Variants in RNF121 observed in about 807,000 individuals in gnomAD.
The protein encoded by RNF121 is ring finger protein 121.
In RNF121, 21 loss-of-function variants were observed where a neutral mutation model predicts 46.5. The ratio of observed to expected loss-of-function variants is 0.45; its 90% CI spans 0.32 to 0.65. The LOEUF is 0.65. Ranked by LOEUF, RNF121 falls within the 30% of genes least tolerant of loss-of-function variation. RNF121 has a pLI of 0.04. For missense variants in RNF121, 346 were observed against 416.0 expected (o/e 0.83, Z 1.46); for synonymous variants, 139 against 144.7 (o/e 0.96, Z 0.28).
chr11:71,960,743 CT>C lies in RNF121; in HGVS notation c.102-4del. 6.2e-7 allele frequency: 1 copy of C among 1,611,398 alleles called. No homozygotes were observed. The highest frequency in any genetic ancestry group is 8.5e-7 in the Non-Finnish European group (1 of 1,178,278). ...GACTTGATTCACCCCATGTGTTTGG[CT>C]TTCAGGGTCGAGCACGCACGCATGC... On this transcript the variant is annotated splice_polypyrimidine_tract_variant and splice_region_variant and intron_variant, in intron 2 of 8. Transcript: ENST00000361756.
chr11:71,972,092 A>G (rs946067195), intron 3 of RNF121, among the ~76,000 whole-genome samples: 17 of 152,202 alleles, frequency 1.1e-4, no homozygotes, highest in Non-Finnish European at 2.2e-4. Context: ...GGAGGACCTT[A>G]AAAGCATAGT....
chr11:71,978,912 A>G (rs1303271331), intron 3 of RNF121, among the ~76,000 whole-genome samples: 1 of 152,202 alleles, frequency 6.6e-6, no homozygotes, highest in Non-Finnish European at 1.5e-5. Context: ...TAATTCTAAA[A>G]TTTCTGATCA....
chr11:71,967,754 C>T (rs933142196), intron 3 of RNF121, among the ~76,000 whole-genome samples: 1 of 151,980 alleles, frequency 6.6e-6, no homozygotes, highest in South Asian at 2.1e-4. Context: ...TACCTATACC[C>T]GTTACATACT....
chr11:71,929,253 G>A, intron 1 of RNF121, 129 bp downstream of exon 1: 1 of 1,422,812 alleles, frequency 7.0e-7, no homozygotes, highest in Non-Finnish European at 9.3e-7. Flanking sequence ...ACTAGGGGGC[G>A]GGTGCGTGGA....
At chr11:71,955,103 T>C (rs1953962080) in intron 1 of RNF121, among the ~76,000 whole-genome samples, 5 of 152,096 alleles carry the variant, frequency 3.3e-5, no homozygotes. Context: ...GGAAACAAGG[T>C]GCTAGGGTAT....
intron 5 of RNF121, among the ~76,000 whole-genome samples, chr11:71,989,425 C>G (rs1236323459): frequency 6.6e-6 from 1 of 152,136 alleles, no homozygotes; most frequent in Non-Finnish European, 1.5e-5. Context: ...ATTACAGTTT[C>G]TTTTTACTTG....
chr11:71,995,486 G>T lies in RNF121; in HGVS notation c.798G>T (p.Val266=). 4 of 1,593,026 alleles carry T rather than the reference G, an allele frequency of 2.5e-6. No homozygotes were observed. Among genetic ancestry groups the T allele is most frequent in the East Asian group, 4.5e-5 (2 of 44,310 alleles). The change falls in exon 8 of 9, where the codon GTG becomes GTT. Residue 266 remains valine (V), a synonymous_variant. Coordinates refer to ENST00000361756, the MANE Select transcript of RNF121 (RefSeq NM_018320.5). ...HEFCIRGWCI[V]GKKQTCPYCK... is the part of the protein sequence containing the mutation. ...TCTGCATCCGTGGCTGGTGCATCGT[G>T]GGAAAGAAGCAAACGTGTCCCTACT...
chr11:71,971,251 G>A (rs1042317098), intron 3 of RNF121, among the ~76,000 whole-genome samples: 3 of 152,006 alleles, frequency 2.0e-5, no homozygotes, highest in Non-Finnish European at 4.4e-5. Flanking sequence ...AGGTGTGATG[G>A]TGCATGCCTG....
chr11:71,964,232 T>C (rs1165054696), intron 3 of RNF121, among the ~76,000 whole-genome samples: 1 of 152,200 alleles, frequency 6.6e-6, no homozygotes, highest in African/African-American at 2.4e-5. Flanking sequence ...ACCTCCTTTG[T>C]TAAACTTATT....
rs1371066749 is a variant in RNF121, at chr11:71,948,444, G to A, written c.64-8783G>A. Among the ~76,000 whole-genome samples the A allele has an allele frequency of 3.4e-5, 5 of 147,148 alleles. No homozygotes were observed. In the East Asian group the frequency reaches 7.9e-4, roughly 23 times the overall value. ...GCATGAGAATCGCTTGAACCTGGAA[G>A]GTAGAGGTTGCAGTGACCTGAGATT... On this transcript the variant is annotated intron_variant, in intron 1 of 8. Transcript: ENST00000361756.
chr11:71,938,191 G>C (rs1953466107), intron 1 of RNF121, among the ~76,000 whole-genome samples: 1 of 152,094 alleles, frequency 6.6e-6, no homozygotes, highest in Non-Finnish European at 1.5e-5. Flanking sequence ...CTACCTCTGA[G>C]CTTGTCATTT....
At chr11:71,931,315 C>G (rs138928751) in intron 1 of RNF121, among the ~76,000 whole-genome samples, 16 of 152,210 alleles carry the variant, frequency 1.1e-4, no homozygotes, top group African/African-American at 3.9e-4. Flanking sequence ...GTTTCATTTC[C>G]TGAGAAAAGG....
chr11:71,972,718 C>T (rs930795349), intron 3 of RNF121, among the ~76,000 whole-genome samples: 1 of 151,922 alleles, frequency 6.6e-6, no homozygotes, highest in African/African-American at 2.4e-5. Flanking sequence ...CCAAATGTCC[C>T]CTGGGAAACA....
chr11:71,959,564 A>C (rs942704099), intron 2 of RNF121, among the ~76,000 whole-genome samples: 1 of 151,864 alleles, frequency 6.6e-6, no homozygotes, highest in African/African-American at 2.4e-5. Context: ...TTATTTATTT[A>C]AATTTGCCCT....
intron 5 of RNF121, among the ~76,000 whole-genome samples, chr11:71,989,478 C>G (rs1954827543): frequency 1.3e-5 from 2 of 152,190 alleles, no homozygotes; most frequent in Admixed American, 6.5e-5. Context: ...GAATCTTGAT[C>G]ATTTTTGTGC....
chr11:71,968,375 C>T (rs1954337940), intron 3 of RNF121, among the ~76,000 whole-genome samples: 1 of 152,090 alleles, frequency 6.6e-6, no homozygotes, highest in South Asian at 2.1e-4. Context: ...TATGAACGAT[C>T]TTGTTGGCTA....
At chr11:71,959,114 A>G (rs1014928515) in intron 2 of RNF121, among the ~76,000 whole-genome samples, 2 of 152,216 alleles carry the variant, frequency 1.3e-5, no homozygotes, top group Admixed American at 1.3e-4. Flanking sequence ...GGCCATGGCC[A>G]TATAGGTGGG....
intron 1 of RNF121, among the ~76,000 whole-genome samples, chr11:71,931,346 T>G (rs2134138910): frequency 1.3e-5 from 2 of 152,338 alleles, no homozygotes; most frequent in East Asian, 3.9e-4. Flanking sequence ...TGTCTGGAAA[T>G]TCCGTGTGGA....
At position 71,962,473 on chromosome 11, in the gene RNF121, A is replaced by T. The variant is rs142152461; in HGVS notation, c.243+1582A>T. On this transcript the variant is annotated intron_variant, in intron 3 of 8. Transcript: ENST00000361756. ...TGCTTCCCCCTCTGAAATCTCTAGG[A>T]CTCATCATAGCACTGTTAGAAAACC... Among the ~76,000 whole-genome samples, 452 of 152,210 alleles carry T rather than the reference A, an allele frequency of 3.0e-3. 2 individuals are homozygous for T. The highest frequency in any genetic ancestry group is 0.01 in the African/African-American group (435 of 41,540).
Sources: gnomAD v4.1 joint callset for allele counts (sites outside exome capture counted in the v4.1 genomes callset) on GRCh38, gnomAD v4.1.1 for gene constraint, MANE v1.5 for transcripts, NCBI Gene and HGNC (gene_info 2026-07-23, HGNC 2026-07-21) for gene names.